ZNF92: variants seen among roughly 807,000 people sequenced by gnomAD.
ZNF92 encodes the protein zinc finger protein 92, also known as epididymis luminal protein 203.
In ZNF92, 11 loss-of-function variants were observed where a neutral mutation model predicts 12.4. The observed-to-expected ratio is 0.89, with a 90% CI of 0.56 to 1.47. ZNF92 has a LOEUF of 1.47. ZNF92 is among the 40% of genes most tolerant of loss of function. The pLI, the probability that ZNF92 is intolerant of heterozygous loss-of-function variation, is 0.00. For synonymous variants in ZNF92, 206 were observed against 228.6 expected (o/e 0.90, Z 0.89); for missense variants, 622 against 681.0 (o/e 0.91, Z 0.96).
chr7:65,377,603 CGCG>C (rs1423162076), intron 1 of ZNF92, among the ~76,000 whole-genome samples: 1 of 82,804 alleles, frequency 1.2e-5, no homozygotes, highest in East Asian at 4.0e-4. Context: ...AGTGCACTGG[CGCG>C]ATCTAGACTC....
chr7:65,380,101 T>C (rs1425481567), intron 1 of ZNF92, among the ~76,000 whole-genome samples: 2 of 152,112 alleles, frequency 1.3e-5, no homozygotes, highest in Non-Finnish European at 2.9e-5. Flanking sequence ...CTCTTATAAA[T>C]GATAGCATGC....
At chr7:65,396,002 C>T (rs1381729164) in intron 3 of ZNF92, among the ~76,000 whole-genome samples, 1 of 152,016 alleles carries the variant, frequency 6.6e-6, no homozygotes, top group Non-Finnish European at 1.5e-5. Context: ...GCAGCCTCAA[C>T]CTCCCAAACT....
rs1311445278 is a variant in ZNF92 at position 65,399,026 on chromosome 7, G to A, written c.912G>A (p.Lys304=). 1.2e-6 allele frequency: 2 copies of A among 1,612,780 alleles called. No homozygotes were observed. The highest frequency in any genetic ancestry group is 2.2e-5 in the South Asian group (2 of 91,004). Reference sequence around the variant, plus strand: ...AGTTCTCGATTCTTAATAAACATAAGAGAATTCATATGGAAGATAAACCCT... The same window carrying A: ...AGTTCTCGATTCTTAATAAACATAAAAGAATTCATATGGAAGATAAACCCT... ...FNQFSILNKH[K]RIHMEDKPYK... Residue 304 remains lysine, a synonymous_variant, in exon 4 of 4, where the codon AAG becomes AAA. Coordinates refer to ENST00000328747, the MANE Select transcript of ZNF92 (RefSeq NM_152626.4).
At chr7:65,376,249 G>C (rs1340925063) in intron 1 of ZNF92, among the ~76,000 whole-genome samples, 1 of 151,642 alleles carries the variant, frequency 6.6e-6, no homozygotes, top group East Asian at 1.9e-4. Flanking sequence ...CTACTTCCTG[G>C]GTTTGTCACC....
rs1009252936 is a variant in ZNF92 at position 65,400,588 on chromosome 7, A to T, written c.*713A>T. ...TACTTCAGACATTACACTAAATTAG[A>T]GTGTTGAGTATAGGAGATCCAAAAC... On this transcript the variant is annotated 3_prime_UTR_variant, in exon 4 of 4. Transcript: ENST00000328747. 6.6e-6 allele frequency: 1 copy of T among 151,982 alleles called. No homozygotes were observed. Among genetic ancestry groups the T allele is most frequent in the African/African-American group, 2.4e-5 (1 of 41,410 alleles). 9.4% of individuals were successfully genotyped at this position (151,982 alleles called of 1,614,324 possible).
rs1793619188 is a variant in ZNF92 at position 65,388,020 on chromosome 7, T to C, written c.122T>C (p.Val41Ala). Residue 41 changes from valine to alanine, a missense_variant, in exon 2 of 4, where the codon GTC (valine) becomes GCC (alanine). Val to Ala is a moderately conservative substitution (Grantham distance 64). Coordinates refer to ENST00000328747, the MANE Select transcript of ZNF92 (RefSeq NM_152626.4). ...ATGTTAGAGAACTACAGAAACCTGGTCTTCCTTGGTGAGGATAACTTCAAT... is the reference window on the plus strand; with the variant it reads ...ATGTTAGAGAACTACAGAAACCTGGCCTTCCTTGGTGAGGATAACTTCAAT... ...DVMLENYRNLVFLGIAVSKPD... is the reference protein window; with the variant it reads ...DVMLENYRNLAFLGIAVSKPD... 1 of 1,605,316 alleles carries C rather than the reference T, an allele frequency of 6.2e-7. No homozygotes were observed.
In ZNF92 at chr7:65,389,866, C is replaced by G. The variant is rs1046152951; in HGVS notation, c.226+965C>G. The stretch of plus-strand genomic sequence containing the variant: ...TATTTTTCTGAGACGGAGTCTTACT[C>G]TGCTGCCCAGGCTGGAGATCAGTGG... On this transcript the variant is annotated intron_variant, in intron 3 of 3. Coordinates refer to ENST00000328747, the MANE Select transcript of ZNF92 (RefSeq NM_152626.4). Among the ~76,000 whole-genome samples, 6 of 151,744 alleles carry G rather than the reference C, an allele frequency of 4.0e-5. 1 individual carries two copies. Among genetic ancestry groups the G allele is most frequent in the Non-Finnish European group, 7.4e-5 (5 of 67,940 alleles).
At chr7:65,393,048 G>A (rs1793759073) in intron 3 of ZNF92, among the ~76,000 whole-genome samples, 1 of 152,012 alleles carries the variant, frequency 6.6e-6, no homozygotes, top group Non-Finnish European at 1.5e-5. Context: ...GTGGGACCCT[G>A]TCTCCAAAAA....
rs763696091 is a variant in ZNF92, at chr7:65,399,599, T to A, written c.1485T>A (p.Ile495=). The A allele has an allele frequency of 1.9e-6, 3 of 1,613,442 alleles. No homozygotes were observed. Among genetic ancestry groups the A allele is most frequent in the Non-Finnish European group, 2.5e-6 (3 of 1,179,730 alleles). The change falls in exon 4 of 4, where the codon ATT becomes ATA. Residue 495 remains isoleucine, a synonymous_variant. Transcript: ENST00000328747. ...ECGKAFNQSS[I]FTKHKIIHTE... is the part of the protein sequence containing the mutation. ...GCAAAGCCTTTAACCAGTCCTCAAT[T>A]TTTACTAAACATAAGATAATTCACA...
At chr7:65,376,072 C>T (rs1793227959) in intron 1 of ZNF92, among the ~76,000 whole-genome samples, 1 of 151,592 alleles carries the variant, frequency 6.6e-6, no homozygotes, top group Non-Finnish European at 1.5e-5. Context: ...ACAACCACAC[C>T]CGACTAGTGT....
intron 1 of ZNF92, among the ~76,000 whole-genome samples, chr7:65,379,805 G>A (rs1369304175): frequency 6.6e-6 from 1 of 151,964 alleles, no homozygotes; most frequent in Non-Finnish European, 1.5e-5. Context: ...ACAGCCCCAC[G>A]CCACTATCTG....
At chr7:65,377,151 T>G (rs1303086546) in intron 1 of ZNF92, among the ~76,000 whole-genome samples, 1 of 152,152 alleles carries the variant, frequency 6.6e-6, no homozygotes, top group Admixed American at 6.6e-5. Flanking sequence ...TTTCCTTCCC[T>G]CGTATTTATA....
Position 65,373,920 on chromosome 7 carries a change from C to G in ZNF92, c.-78C>G. 1.3e-6 allele frequency: 2 copies of G among 1,599,610 alleles called. No individual in the cohort carries two copies. The highest frequency in any genetic ancestry group is 1.7e-6 in the Non-Finnish European group (2 of 1,166,922). On this transcript the variant is annotated 5_prime_UTR_variant, in exon 1 of 4. Coordinates refer to ENST00000328747, the MANE Select transcript of ZNF92 (RefSeq NM_152626.4). ...GCTCTGCGTCCTGTGCTGATAAAGGCTCGCCGCTGTGACCCTGTTACCTGC... is the reference window on the plus strand; with the variant it reads ...GCTCTGCGTCCTGTGCTGATAAAGGGTCGCCGCTGTGACCCTGTTACCTGC...
chr7:65,376,143 G>A (rs1382424181), intron 1 of ZNF92, among the ~76,000 whole-genome samples: 2 of 151,924 alleles, frequency 1.3e-5, no homozygotes, highest in Non-Finnish European at 2.9e-5. Flanking sequence ...AAACTCCTGA[G>A]CTCAGGCAGT....
At position 65,398,328 on chromosome 7, in the gene ZNF92, T is replaced by C. The variant is rs372127134; in HGVS notation, c.227-13T>C. On this transcript the variant is annotated splice_polypyrimidine_tract_variant and intron_variant, in intron 3 of 3. Transcript: ENST00000328747. ...TAGTAAGTGAAGTAACTTGTTATTTTTATTTTTTTCAGTTATGTGTTCTCA... is the reference window on the plus strand; with the variant it reads ...TAGTAAGTGAAGTAACTTGTTATTTCTATTTTTTTCAGTTATGTGTTCTCA... The C allele has an allele frequency of 5.3e-6, 8 of 1,506,354 alleles. No homozygotes were observed. The highest frequency in any genetic ancestry group is 7.1e-6 in the Non-Finnish European group (8 of 1,130,240). The allele number at this position is 1,506,354 out of a possible 1,614,324, so 93.3% of individuals were successfully genotyped here.
At chr7:65,388,387 C>G in intron 2 of ZNF92, 1 of 188,928 alleles carries the variant, frequency 5.3e-6, no homozygotes, top group South Asian at 9.4e-5. Flanking sequence ...GCCTGTAATC[C>G]CAGCACTTTG....
At chr7:65,390,668 C>A (rs1051233639) in intron 3 of ZNF92, among the ~76,000 whole-genome samples, 2 of 152,076 alleles carry the variant, frequency 1.3e-5, no homozygotes, top group Non-Finnish European at 2.9e-5. Flanking sequence ...ATATAATGGA[C>A]CTTGTATCAG....
At chr7:65,387,856 A>G (rs914717963) in intron 1 of ZNF92, 46 bp from the exon 2 acceptor site, 5 of 1,519,760 alleles carry the variant, frequency 3.3e-6, no homozygotes, top group Non-Finnish European at 3.5e-6. Context: ...GCCCATGGCC[A>G]CTTAGTAAAC....
At chr7:65,388,171 A>G (rs993393868) in intron 2 of ZNF92, 143 bp downstream of exon 2, 17 of 883,400 alleles carry the variant, frequency 1.9e-5, no homozygotes, top group Non-Finnish European at 2.8e-5. Context: ...GTCAGTATAG[A>G]AAAGAACTTC....
Sources: gnomAD v4.1 joint callset for allele counts (sites outside exome capture counted in the v4.1 genomes callset) on GRCh38, gnomAD v4.1.1 for gene constraint, MANE v1.5 for transcripts, NCBI Gene and HGNC (gene_info 2026-07-23, HGNC 2026-07-21) for gene names.